MIR2052HG: variants seen among roughly 807,000 people sequenced by gnomAD.
The protein encoded by MIR2052HG is MIR2052 host gene.
intron 2 of MIR2052HG, chr8:74,633,302 A>G (rs1323325630): frequency 6.6e-6 from 1 of 152,234 alleles, no homozygotes; most frequent in Admixed American, 6.5e-5. Context: ...TGCTGGGATT[A>G]TATGTGTGAA....
At chr8:74,715,989 T>C (rs1393992688) in intron 4 of MIR2052HG, among the ~76,000 whole-genome samples, 1 of 152,192 alleles carries the variant, frequency 6.6e-6, no homozygotes, top group Non-Finnish European at 1.5e-5. Context: ...AAATAGACCC[T>C]GAATGAAAGA....
chr8:74,692,591 T>C (rs573174319), intron 2 of MIR2052HG, among the ~76,000 whole-genome samples: 1 of 152,380 alleles, frequency 6.6e-6, no homozygotes, highest in East Asian at 1.9e-4. Context: ...TATATTTATT[T>C]GGTACATTTT....
intron 2 of MIR2052HG, among the ~76,000 whole-genome samples, chr8:74,621,502 G>A (rs915081448): frequency 1.3e-5 from 2 of 152,164 alleles, no homozygotes; most frequent in Non-Finnish European, 2.9e-5. Context: ...TTCAATAATG[G>A]CAGAAGGCAA....
intron 4 of MIR2052HG, among the ~76,000 whole-genome samples, chr8:74,746,565 GAA>G (rs1491544144): frequency 1.8e-4 from 16 of 87,552 alleles, no homozygotes; most frequent in Non-Finnish European, 2.2e-4. Flanking sequence ...AAGAGGAGAA[GAA>G]GTGTGTGTGT....
chr8:74,665,566 C>A (rs543462532), intron 2 of MIR2052HG, among the ~76,000 whole-genome samples: 63 of 152,310 alleles, frequency 4.1e-4, no homozygotes, highest in Middle Eastern at 3.4e-3. Flanking sequence ...TGCTTGAAGG[C>A]TTTGCTGTCA....
intron 4 of MIR2052HG, among the ~76,000 whole-genome samples, chr8:74,715,132 T>C (rs1229390219): frequency 2.0e-5 from 3 of 152,168 alleles, no homozygotes; most frequent in African/African-American, 7.2e-5. Context: ...TTACTATTAG[T>C]AAGGAAAGAA....
chr8:74,698,680 A>T (rs1809326321), intron 2 of MIR2052HG, among the ~76,000 whole-genome samples: 1 of 152,150 alleles, frequency 6.6e-6, no homozygotes, highest in Non-Finnish European at 1.5e-5. Context: ...AAACAATCCC[A>T]TGAAAAGGTG....
At chr8:74,719,852 T>C (rs1248342092) in intron 4 of MIR2052HG, among the ~76,000 whole-genome samples, 1 of 130,474 alleles carries the variant, frequency 7.7e-6, no homozygotes, top group Non-Finnish European at 1.6e-5. Context: ...CTTTTTTCTT[T>C]TTTTTTTTTT....
chr8:74,720,248 C>CA (rs1809562355), intron 4 of MIR2052HG, among the ~76,000 whole-genome samples: 1 of 152,140 alleles, frequency 6.6e-6, no homozygotes, highest in Non-Finnish European at 1.5e-5. Flanking sequence ...ACCGAACTCT[C>CA]AGTCAACTTA....
At chr8:74,626,549 T>G (rs553029841) in intron 2 of MIR2052HG, among the ~76,000 whole-genome samples, 1 of 152,268 alleles carries the variant, frequency 6.6e-6, no homozygotes, top group South Asian at 2.1e-4. Context: ...AAAATTGAAG[T>G]CAGATCTAGG....
intron 2 of MIR2052HG, among the ~76,000 whole-genome samples, chr8:74,631,340 CT>C (rs1463524331): frequency 1.3e-5 from 2 of 152,220 alleles, no homozygotes; most frequent in African/African-American, 4.8e-5. Flanking sequence ...GCAATGGTTT[CT>C]GGTATAGAAG....
chr8:74,622,584 A>G (rs961283909), intron 2 of MIR2052HG, among the ~76,000 whole-genome samples: 5 of 152,190 alleles, frequency 3.3e-5, no homozygotes, highest in Non-Finnish European at 7.3e-5. Context: ...AGCCTAGGCC[A>G]CAGAGTGAGA....
At chr8:74,654,635 T>C (rs1300543171) in intron 2 of MIR2052HG, among the ~76,000 whole-genome samples, 2 of 152,192 alleles carry the variant, frequency 1.3e-5, no homozygotes, top group Admixed American at 1.3e-4. Context: ...CGTCCTGCCA[T>C]GATTCTGAGA....
intron 4 of MIR2052HG, among the ~76,000 whole-genome samples, chr8:74,710,713 A>G (rs955229177): frequency 2.0e-5 from 3 of 152,158 alleles, no homozygotes; most frequent in South Asian, 2.1e-4. Context: ...TTTGGAATCT[A>G]TCTACTTATG....
At chr8:74,621,250 C>T (rs1054453502) in intron 2 of MIR2052HG, among the ~76,000 whole-genome samples, 1 of 152,182 alleles carries the variant, frequency 6.6e-6, no homozygotes, top group Non-Finnish European at 1.5e-5. Flanking sequence ...AACTTTCCCA[C>T]ATTTTCCTGT....
At chr8:74,688,848 T>C (rs897996851) in intron 2 of MIR2052HG, among the ~76,000 whole-genome samples, 2 of 152,164 alleles carry the variant, frequency 1.3e-5, no homozygotes, top group African/African-American at 4.8e-5. Flanking sequence ...AAGTTCATTA[T>C]ATCATTTTTA....
At chr8:74,754,608 C>T (rs1809980692) in intron 5 of MIR2052HG, among the ~76,000 whole-genome samples, 1 of 152,172 alleles carries the variant, frequency 6.6e-6, no homozygotes, top group Non-Finnish European at 1.5e-5. Context: ...AGATCTACGG[C>T]TGTGAAGCTC....
At chr8:74,740,399 G>T (rs1007857951) in intron 4 of MIR2052HG, among the ~76,000 whole-genome samples, 1 of 152,152 alleles carries the variant, frequency 6.6e-6, no homozygotes, top group African/African-American at 2.4e-5. Context: ...AGGAGGTGGA[G>T]GTTGCAGTGA....
intron 5 of MIR2052HG, among the ~76,000 whole-genome samples, chr8:74,753,473 G>A (rs1432982887): frequency 1.3e-5 from 2 of 152,180 alleles, no homozygotes; most frequent in South Asian, 2.1e-4. Context: ...ACTGAGAAAT[G>A]TTTCTAGAAA....
Sources: gnomAD v4.1 joint callset for allele counts (sites outside exome capture counted in the v4.1 genomes callset) on GRCh38, gnomAD v4.1.1 for gene constraint, MANE v1.5 for transcripts, NCBI Gene and HGNC (gene_info 2026-07-23, HGNC 2026-07-21) for gene names.